The following RHBDD1 variants were observed in gnomAD, a reference collection of about 807,000 sequenced individuals.
The protein encoded by RHBDD1 is rhomboid-related protein 4.
A neutral mutation model predicts 36.3 loss-of-function variants in RHBDD1; 38 were observed. The ratio of observed to expected loss-of-function variants is 1.05; its 90% CI spans 0.81 to 1.37. The LOEUF (loss-of-function observed/expected upper bound fraction) is 1.37. RHBDD1 is among the 40% of genes most tolerant of loss of function. RHBDD1 has a pLI of 0.00. For missense variants in RHBDD1, 393 were observed against 377.6 expected, an observed-to-expected ratio of 1.04 and a Z score of -0.34; for synonymous variants, 151 against 136.5, an observed-to-expected ratio of 1.11 and a Z score of -0.74.
chr2:226,844,462 A>T (rs2125012236), intron 3 of RHBDD1, among the ~76,000 whole-genome samples: 1 of 152,358 alleles, frequency 6.6e-6, no homozygotes, highest in African/African-American at 2.4e-5. Flanking sequence ...GAAGCATGGC[A>T]TGCTTTTCCC....
At chr2:226,810,053 A>G in the RHBDD1 span, among the ~76,000 whole-genome samples, 2 of 152,224 alleles carry the variant, frequency 1.3e-5, no homozygotes, top group African/African-American at 2.4e-5. Context: ...AATATAGTTG[A>G]TGCTTGAACA....
At chr2:226,878,373 C>G (rs1303231259) in intron 5 of RHBDD1, among the ~76,000 whole-genome samples, 3 of 152,194 alleles carry the variant, frequency 2.0e-5, no homozygotes, top group Admixed American at 6.5e-5. Context: ...GTGTTCTTTT[C>G]AAAGTTTCCC....
At chr2:226,945,594 A>G (rs750638651) in intron 8 of RHBDD1, among the ~76,000 whole-genome samples, 19 of 152,044 alleles carry the variant, frequency 1.2e-4, no homozygotes, top group Non-Finnish European at 2.2e-4. Context: ...AGTCTTTGCT[A>G]TTGTGAGTAG....
intron 3 of RHBDD1, among the ~76,000 whole-genome samples, chr2:226,859,863 T>G (rs1417287259): frequency 6.6e-6 from 1 of 152,148 alleles, no homozygotes; most frequent in East Asian, 1.9e-4. Flanking sequence ...TTATACAAGA[T>G]TACTCTAAGC....
chr2:226,809,623 GAGAA>G, the RHBDD1 span, among the ~76,000 whole-genome samples: 412 of 152,132 alleles, frequency 2.7e-3, 6 homozygotes, highest in African/African-American at 9.3e-3. Context: ...TTAAGATTTT[GAGAA>G]AGAGAGGGAG....
chr2:226,829,261 C>G, the RHBDD1 span, among the ~76,000 whole-genome samples: 2 of 152,164 alleles, frequency 1.3e-5, no homozygotes, highest in Non-Finnish European at 1.5e-5. Context: ...CACACTGTCA[C>G]GATTACTATA....
chr2:226,812,046 T>C, the RHBDD1 span, among the ~76,000 whole-genome samples: 2 of 152,202 alleles, frequency 1.3e-5, no homozygotes, highest in Admixed American at 6.5e-5. Flanking sequence ...TCTCAAGAAT[T>C]ATCCCCCCAT....
intron 5 of RHBDD1, among the ~76,000 whole-genome samples, chr2:226,882,430 C>CAAAAAAAAAAAAA: frequency 1.8e-5 from 1 of 57,106 alleles, no homozygotes; most frequent in Non-Finnish European, 3.7e-5. Flanking sequence ...GACTTTGCCT[C>CAAAAAAAAAAAAA]AAAAAAAAAA....
chr2:226,845,013 G>A (rs906942076), intron 3 of RHBDD1, among the ~76,000 whole-genome samples: 3 of 152,006 alleles, frequency 2.0e-5, no homozygotes, highest in Non-Finnish European at 4.4e-5. Flanking sequence ...GCCAGCTGAT[G>A]CTGACATTTT....
chr2:226,943,634 T>C (rs1263612140), intron 8 of RHBDD1, among the ~76,000 whole-genome samples: 4 of 134,256 alleles, frequency 3.0e-5, no homozygotes, highest in African/African-American at 1.2e-4. Context: ...AAGCTGGGTC[T>C]CTGGGGGTTA....
chr2:226,859,758 G>A (rs1206332010), intron 3 of RHBDD1, among the ~76,000 whole-genome samples: 1 of 152,150 alleles, frequency 6.6e-6, no homozygotes, highest in African/African-American at 2.4e-5. Flanking sequence ...GGGAACTGGT[G>A]ATATAAGCAT....
chr2:226,812,188 G>A, the RHBDD1 span, among the ~76,000 whole-genome samples: 1 of 152,248 alleles, frequency 6.6e-6, no homozygotes, highest in Non-Finnish European at 1.5e-5. Context: ...TTACAGGCAA[G>A]GAGACAGGAA....
intron 5 of RHBDD1, among the ~76,000 whole-genome samples, chr2:226,872,397 A>G (rs1200687857): frequency 1.3e-5 from 2 of 152,180 alleles, no homozygotes; most frequent in African/African-American, 2.4e-5. Context: ...TCTTTTTCAT[A>G]TGAAAATAAC....
chr2:226,841,364 G>A (rs1004582017), intron 3 of RHBDD1, among the ~76,000 whole-genome samples: 6 of 152,038 alleles, frequency 3.9e-5, no homozygotes, highest in Non-Finnish European at 8.8e-5. Flanking sequence ...TGTTACATAG[G>A]TAAACATGTG....
At chr2:226,906,736 G>C (rs768873955) in intron 5 of RHBDD1, 57 bp from the exon 6 acceptor site, 6 of 1,613,490 alleles carry the variant, frequency 3.7e-6, no homozygotes, top group African/African-American at 1.3e-5. Context: ...TGAGAAGACA[G>C]AATGTCTCTA....
intron 5 of RHBDD1, among the ~76,000 whole-genome samples, chr2:226,904,890 CA>C (rs1412978361): frequency 6.6e-6 from 1 of 152,036 alleles, no homozygotes; most frequent in Admixed American, 6.5e-5. Context: ...GCTCAGCAAG[CA>C]CCCTGAGCTG....
intron 3 of RHBDD1, among the ~76,000 whole-genome samples, chr2:226,841,961 G>A (rs905004891): frequency 6.6e-6 from 1 of 151,990 alleles, no homozygotes; most frequent in African/African-American, 2.4e-5. Flanking sequence ...AGCATGTGTT[G>A]TTTTTTGACT....
chr2:226,936,438 G>A (rs542580239), intron 8 of RHBDD1, among the ~76,000 whole-genome samples: 80 of 152,118 alleles, frequency 5.3e-4, no homozygotes, highest in African/African-American at 1.8e-3. Flanking sequence ...GAGATACATG[G>A]AATTTAAATG....
intron 3 of RHBDD1, among the ~76,000 whole-genome samples, chr2:226,850,835 C>A (rs1942739268): frequency 6.6e-6 from 1 of 152,012 alleles, no homozygotes; most frequent in South Asian, 2.1e-4. Flanking sequence ...CATAAAAGGA[C>A]TCCTATTTGC....
Sources: gnomAD v4.1 joint callset for allele counts (sites outside exome capture counted in the v4.1 genomes callset) on GRCh38, gnomAD v4.1.1 for gene constraint, MANE v1.5 for transcripts, NCBI Gene and HGNC (gene_info 2026-07-23, HGNC 2026-07-21) for gene names.